SUGCT: variants seen among roughly 807,000 people sequenced by gnomAD.
The protein encoded by SUGCT is succinyl-CoA:glutarate CoA-transferase.
Under a neutral mutation model 55.0 loss-of-function variants are expected in SUGCT, and 41 were observed. The ratio of observed to expected loss-of-function variants is 0.74; its 90% CI spans 0.58 to 0.97. SUGCT has a LOEUF of 0.97. Ranked by LOEUF, SUGCT falls within the 50% of genes least tolerant of loss-of-function variation. The pLI, the probability that SUGCT is intolerant of heterozygous loss-of-function variation, is 0.00. For missense variants in SUGCT, 568 were observed against 547.8 expected (o/e 1.04, Z -0.37); for synonymous variants, 187 against 200.4 (o/e 0.93, Z 0.56).
intron 12 of SUGCT, among the ~76,000 whole-genome samples, chr7:40,501,387 T>C (rs2151530178): frequency 6.6e-6 from 1 of 152,324 alleles, no homozygotes; most frequent in East Asian, 1.9e-4. Flanking sequence ...TGTACAGTTT[T>C]ATCTTGAGTT....
intron 7 of SUGCT, among the ~76,000 whole-genome samples, chr7:40,264,643 G>A (rs1369647649): frequency 2.0e-5 from 3 of 152,208 alleles, no homozygotes; most frequent in African/African-American, 7.2e-5. Context: ...TACAAGTCAT[G>A]AGAATAGTGG....
At chr7:40,839,875 G>C (rs1263546520) in intron 13 of SUGCT, among the ~76,000 whole-genome samples, 1 of 152,106 alleles carries the variant, frequency 6.6e-6, no homozygotes, top group African/African-American at 2.4e-5. Flanking sequence ...ATGTGCCAGT[G>C]AATGTGCAGT....
At chr7:40,748,719 C>T (rs1001424117) in intron 12 of SUGCT, among the ~76,000 whole-genome samples, 8 of 152,014 alleles carry the variant, frequency 5.3e-5, no homozygotes, top group African/African-American at 7.3e-5. Flanking sequence ...AGAACCTAAT[C>T]AGCCCTCTGG....
At chr7:40,525,665 TA>T (rs1316619483) in intron 12 of SUGCT, among the ~76,000 whole-genome samples, 1 of 152,080 alleles carries the variant, frequency 6.6e-6, no homozygotes, top group African/African-American at 2.4e-5. Context: ...TTAACAAGCA[TA>T]AGGGTTTTAA....
chr7:41,033,943 A>C, the SUGCT span, among the ~76,000 whole-genome samples: 2 of 152,130 alleles, frequency 1.3e-5, no homozygotes, highest in East Asian at 3.9e-4. Flanking sequence ...AATTGACACA[A>C]GGGAGGGGAA....
At chr7:40,344,002 C>A (rs1797187413) in intron 9 of SUGCT, among the ~76,000 whole-genome samples, 1 of 152,166 alleles carries the variant, frequency 6.6e-6, no homozygotes, top group Admixed American at 6.5e-5. Flanking sequence ...AAACCTTAGA[C>A]CTGTTCCCAG....
chr7:40,314,559 CTT>C (rs1292941632), intron 8 of SUGCT, among the ~76,000 whole-genome samples: 11 of 108,730 alleles, frequency 1.0e-4, no homozygotes, highest in African/African-American at 1.0e-4. Context: ...TCCCTTGTGT[CTT>C]TTTTTTTTTT....
intron 9 of SUGCT, among the ~76,000 whole-genome samples, chr7:40,317,439 A>T (rs993476080): frequency 2.0e-5 from 3 of 152,168 alleles, no homozygotes; most frequent in African/African-American, 7.2e-5. Context: ...AACAAAACCT[A>T]GCTCTTCTTC....
intron 9 of SUGCT, among the ~76,000 whole-genome samples, chr7:40,337,416 A>C (rs980023166): frequency 1.3e-5 from 2 of 152,140 alleles, no homozygotes; most frequent in African/African-American, 4.8e-5. Flanking sequence ...GACTTGTTTT[A>C]TGAATCTGGG....
chr7:40,391,476 T>C (rs1785425904), intron 9 of SUGCT, among the ~76,000 whole-genome samples: 1 of 152,070 alleles, frequency 6.6e-6, no homozygotes, highest in Non-Finnish European at 1.5e-5. Context: ...GGGCAAAGGA[T>C]ATGAACAGAC....
chr7:41,004,425 C>A, the SUGCT span, among the ~76,000 whole-genome samples: 2 of 152,180 alleles, frequency 1.3e-5, no homozygotes, highest in Non-Finnish European at 2.9e-5. Flanking sequence ...CAATCCTAAG[C>A]AGGGTGGGCA....
intron 12 of SUGCT, chr7:40,546,567 G>A (rs1795000908): frequency 6.6e-6 from 1 of 152,186 alleles, no homozygotes; most frequent in Non-Finnish European, 1.5e-5. Context: ...TGTATTCACA[G>A]TTTGAATAAA....
At chr7:40,950,221 G>A in the SUGCT span, among the ~76,000 whole-genome samples, 28 of 152,236 alleles carry the variant, frequency 1.8e-4, no homozygotes, top group Admixed American at 3.9e-4. Context: ...TGAAGCAATC[G>A]TGAATGGGAT....
chr7:40,816,967 T>C lies in SUGCT; in HGVS notation c.1154-43349T>C, dbSNP rs556345516. 2.6e-5 allele frequency among the ~76,000 whole-genome samples: 4 copies of C among 152,286 alleles called. No individual in the cohort carries two copies. The South Asian group carries it at 8.3e-4, about 32-fold the overall frequency. On this transcript the variant is annotated intron_variant, in intron 13 of 13. Transcript: ENST00000335693. ...ATTGTAAAGAAAGAGTATAAGAAGA[T>C]GATGAGAATAGAGTTAAGTTAAAAG...
chr7:40,624,608 A>G (rs1799427370), intron 12 of SUGCT, among the ~76,000 whole-genome samples: 1 of 152,128 alleles, frequency 6.6e-6, no homozygotes, highest in African/African-American at 2.4e-5. Context: ...TGCCTTTTTG[A>G]AAAACAGCCA....
chr7:40,948,644 C>T, the SUGCT span, among the ~76,000 whole-genome samples: 5 of 152,008 alleles, frequency 3.3e-5, no homozygotes, highest in East Asian at 9.7e-4. Flanking sequence ...GTGATATTCC[C>T]CTGTCTTTGC....
the SUGCT span, among the ~76,000 whole-genome samples, chr7:41,015,111 C>T: frequency 6.6e-6 from 1 of 152,032 alleles, no homozygotes; most frequent in Non-Finnish European, 1.5e-5. Context: ...GGTAACTTTC[C>T]CTCTCCATGG....
intron 12 of SUGCT, among the ~76,000 whole-genome samples, chr7:40,645,054 C>T (rs766381155): frequency 1.8e-4 from 27 of 152,212 alleles, no homozygotes; most frequent in Non-Finnish European, 3.5e-4. Flanking sequence ...GTCAACATCG[C>T]TCTGTAGAGC....
At chr7:40,933,269 C>A in the SUGCT span, among the ~76,000 whole-genome samples, 1 of 152,224 alleles carries the variant, frequency 6.6e-6, no homozygotes. Flanking sequence ...TCCCCACCCT[C>A]TTCTGGCTTG....
Sources: allele counts gnomAD v4.1 joint callset (sites outside exome capture counted in the v4.1 genomes callset), GRCh38; gene constraint gnomAD v4.1.1; transcripts MANE v1.5; gene names NCBI Gene and HGNC (gene_info 2026-07-23, HGNC 2026-07-21).